PPM1L: variants seen among roughly 807,000 people sequenced by gnomAD.
PPM1L encodes protein phosphatase, Mg2+/Mn2+ dependent 1L.
In PPM1L, 13 loss-of-function variants were observed where a neutral mutation model predicts 31.4. That is an observed-to-expected ratio of 0.41 (90% CI 0.27 to 0.66). PPM1L has a LOEUF of 0.66. PPM1L is among the 30% of genes least tolerant of loss of function. PPM1L has a pLI of 0.29. For synonymous variants in PPM1L, 184 were observed against 175.4 expected (o/e 1.05, Z -0.39); for missense variants, 326 against 453.7 (o/e 0.72, Z 2.56).
chr3:160,846,515 C>A (rs1714081086), intron 1 of PPM1L, among the ~76,000 whole-genome samples: 1 of 152,016 alleles, frequency 6.6e-6, no homozygotes, highest in African/African-American at 2.4e-5. Flanking sequence ...GGATCCTCAC[C>A]TTGAAAGATT....
At chr3:161,065,691 A>T (rs1174513269) in intron 3 of PPM1L, 127 bp downstream of exon 3, 3 of 707,218 alleles carry the variant, frequency 4.2e-6, no homozygotes, top group Admixed American at 3.1e-5. Context: ...GAGGTAACTG[A>T]GATTGACTTT....
At chr3:160,864,926 A>C (rs1008748531) in intron 1 of PPM1L, among the ~76,000 whole-genome samples, 1 of 152,244 alleles carries the variant, frequency 6.6e-6, no homozygotes, top group African/African-American at 2.4e-5. Context: ...AACTTCAGAT[A>C]AAAGTCCAAC....
At chr3:160,931,807 A>G (rs868357008) in intron 1 of PPM1L, among the ~76,000 whole-genome samples, 1 of 152,184 alleles carries the variant, frequency 6.6e-6, no homozygotes, top group Admixed American at 6.5e-5. Flanking sequence ...TCTTCTTCAG[A>G]TGGTGCTTTA....
At chr3:160,931,114 G>C (rs1025068126) in intron 1 of PPM1L, among the ~76,000 whole-genome samples, 2 of 152,196 alleles carry the variant, frequency 1.3e-5, no homozygotes, top group African/African-American at 4.8e-5. Flanking sequence ...GACAGTAGGG[G>C]ACAAACATTT....
chr3:160,830,181 A>T (rs1576658656), intron 1 of PPM1L, among the ~76,000 whole-genome samples: 1 of 152,234 alleles, frequency 6.6e-6, no homozygotes, highest in Middle Eastern at 3.4e-3. Flanking sequence ...CCTTCTTATC[A>T]TCCTTATAGT....
At chr3:160,778,037 T>C (rs2108064876) in intron 1 of PPM1L, among the ~76,000 whole-genome samples, 1 of 152,278 alleles carries the variant, frequency 6.6e-6, no homozygotes, top group Middle Eastern at 3.4e-3. Flanking sequence ...TGATATTTTA[T>C]AATATTTGGG....
chr3:161,038,663 T>A (rs982310434), intron 2 of PPM1L, among the ~76,000 whole-genome samples: 2 of 149,940 alleles, frequency 1.3e-5, no homozygotes, highest in Non-Finnish European at 3.0e-5. Flanking sequence ...TGTCAGCACA[T>A]CTTTTTGGTA....
At chr3:160,842,417 T>A (rs1421963405) in intron 1 of PPM1L, 2 of 661,894 alleles carry the variant, frequency 3.0e-6, no homozygotes, top group Non-Finnish European at 5.5e-6. Context: ...GCAAGGGAAT[T>A]TGGACTTTAT....
At chr3:161,055,743 C>T (rs1576621814) in intron 2 of PPM1L, among the ~76,000 whole-genome samples, 1 of 152,046 alleles carries the variant, frequency 6.6e-6, no homozygotes, top group East Asian at 1.9e-4. Context: ...TCCCCTTCCT[C>T]ACCCCTTGCC....
At chr3:160,849,048 C>G (rs771694843) in intron 1 of PPM1L, among the ~76,000 whole-genome samples, 7 of 152,204 alleles carry the variant, frequency 4.6e-5, no homozygotes, top group Non-Finnish European at 1.0e-4. Flanking sequence ...GAAACTGACA[C>G]TATCTAGCCC....
intron 2 of PPM1L, among the ~76,000 whole-genome samples, chr3:161,037,742 C>T (rs1366116613): frequency 6.6e-6 from 1 of 151,582 alleles, no homozygotes; most frequent in African/African-American, 2.4e-5. Flanking sequence ...CCTACTTGAG[C>T]TTTTGAGATG....
At chr3:160,941,508 A>G (rs1197428771) in intron 1 of PPM1L, among the ~76,000 whole-genome samples, 1 of 152,130 alleles carries the variant, frequency 6.6e-6, no homozygotes, top group East Asian at 1.9e-4. Context: ...ATGATAGTGA[A>G]TAAGTCTCAC....
At chr3:160,793,755 G>A (rs759952116) in intron 1 of PPM1L, among the ~76,000 whole-genome samples, 1 of 152,176 alleles carries the variant, frequency 6.6e-6, no homozygotes, top group Non-Finnish European at 1.5e-5. Context: ...GCAGCCTTAG[G>A]TGTAAAACAA....
intron 2 of PPM1L, among the ~76,000 whole-genome samples, chr3:160,972,641 A>G (rs529940317): frequency 1.3e-5 from 2 of 152,194 alleles, no homozygotes; most frequent in Non-Finnish European, 2.9e-5. Flanking sequence ...GCTATTGTGA[A>G]TAATGCTGCA....
In PPM1L at chr3:160,903,208, T is replaced by TTGTGTGTGTG. The variant is rs59232471; in HGVS notation, c.400-58504_400-58495dup. 3.0e-3 allele frequency among the ~76,000 whole-genome samples: 363 copies of TTGTGTGTGTG among 120,102 alleles called. 2 individuals carry two copies. Among genetic ancestry groups the TTGTGTGTGTG allele is most frequent in the Admixed American group, 4.8e-3 (52 of 10,788 alleles). The allele number at this position is 120,102 out of a possible 152,430, so 78.8% of individuals were successfully genotyped here. ...GTGTGTGTGTGGTATGTGTGTATGT[T>TTGTGTGTGTG]TGTGTGTGTGTGTGTGTGTGTGTGT... On this transcript the variant is annotated intron_variant, in intron 1 of 3. Transcript: ENST00000498165.
chr3:160,903,218 GTGTGTGTGTGTGT>G (rs1713621404), intron 1 of PPM1L, among the ~76,000 whole-genome samples: 1 of 146,070 alleles, frequency 6.8e-6, no homozygotes, highest in South Asian at 2.2e-4. Flanking sequence ...TTGTGTGTGT[GTGTGTGTGTGTGT>G]GTGTGTGTGT....
At chr3:160,974,693 TC>T (rs1241151797) in intron 2 of PPM1L, among the ~76,000 whole-genome samples, 1 of 148,998 alleles carries the variant, frequency 6.7e-6, no homozygotes, top group African/African-American at 2.5e-5. Flanking sequence ...TCTGTTCATG[TC>T]CTTTGCCCAC....
At chr3:161,034,209 T>G (rs1003322911) in intron 2 of PPM1L, among the ~76,000 whole-genome samples, 6 of 152,162 alleles carry the variant, frequency 3.9e-5, no homozygotes, top group Admixed American at 3.3e-4. Context: ...CTGGAGAGGA[T>G]GTGGAGAAAT....
intron 2 of PPM1L, among the ~76,000 whole-genome samples, chr3:161,058,144 A>G (rs1238057065): frequency 1.0e-3 from 1 of 990 alleles, no homozygotes; most frequent in East Asian, 0.031. Flanking sequence ...TTTTTTTTTG[A>G]CGCAGAGTCT....
Sources: gnomAD v4.1 joint callset for allele counts (sites outside exome capture counted in the v4.1 genomes callset) on GRCh38, gnomAD v4.1.1 for gene constraint, MANE v1.5 for transcripts, NCBI Gene and HGNC (gene_info 2026-07-23, HGNC 2026-07-21) for gene names.